MYBBP1A: variants seen among roughly 807,000 people sequenced by gnomAD.
The protein encoded by MYBBP1A is MYB binding protein 1a.
MYBBP1A carries 147 observed loss-of-function variants against 136.3 expected under a neutral mutation model. The ratio of observed to expected loss-of-function variants is 1.08; its 90% CI spans 0.94 to 1.24. MYBBP1A has a LOEUF of 1.24. MYBBP1A is among the 50% of genes most tolerant of loss of function. The pLI is 0.00. For synonymous variants in MYBBP1A, 947 were observed against 735.8 expected (o/e 1.29, Z -4.65); for missense variants, 2,060 against 1,727.4 (o/e 1.19, Z -3.41).
In MYBBP1A at chr17:4,545,252, G is replaced by A; in HGVS notation, c.2160+7C>T. 2 of 1,612,246 alleles carry A rather than the reference G, an allele frequency of 1.2e-6. No individual in the cohort carries two copies. Among genetic ancestry groups the A allele is most frequent in the Non-Finnish European group, 1.7e-6 (2 of 1,179,766 alleles). On this transcript the variant is annotated splice_region_variant and intron_variant, in intron 16 of 25. Transcript: ENST00000254718. The stretch of plus-strand genomic sequence containing the variant: ...CACCGCCCCCGCCCGGCCCATGCTG[G>A]CAACACCTCTGCACCCTTCAGCCGC...
At position 4,545,950 on chromosome 17, in the gene MYBBP1A, C is replaced by T; in HGVS notation, c.1825-8G>A. 6.2e-7 allele frequency: 1 copy of T among 1,611,572 alleles called. No individual in the cohort carries two copies. The highest frequency in any genetic ancestry group is 1.1e-5 in the South Asian group (1 of 90,790). Reference sequence around the variant, plus strand: ...ACAGCTCTCTGCAGGGGACTGCGGGCAGGGTAGGACACACACTGGGGCCAG... The same window carrying T: ...ACAGCTCTCTGCAGGGGACTGCGGGTAGGGTAGGACACACACTGGGGCCAG... On this transcript the variant is annotated splice_polypyrimidine_tract_variant and splice_region_variant and intron_variant, in intron 13 of 25. Coordinates refer to ENST00000254718, the MANE Select transcript of MYBBP1A (RefSeq NM_014520.4).
intron 19 of MYBBP1A, among the ~76,000 whole-genome samples, chr17:4,543,888 T>C (rs1108720): frequency 0.65 from 92,179 of 142,494 alleles, 30,486 homozygotes; most frequent in East Asian, 0.95. Flanking sequence ...CTCAGACCCT[T>C]CCCCACGCCA....
In MYBBP1A at chr17:4,552,298, GAGGGCA is replaced by G; in HGVS notation, c.738-12_738-7del. The G allele has an allele frequency of 1.2e-6, 2 of 1,613,846 alleles. No homozygotes were observed. Among genetic ancestry groups the G allele is most frequent in the Non-Finnish European group, 8.5e-7 (1 of 1,179,986 alleles). On this transcript the variant is annotated splice_region_variant and splice_polypyrimidine_tract_variant and intron_variant, in intron 6 of 25. Transcript: ENST00000254718. The surrounding 1 kb of genome is among the most constrained non-coding windows in gnomAD (Gnocchi z 4.7). ...TCTTCAGCACATTCACCAGCCTGCG[GAGGGCA>G]AGGGACTCAGGGAACACTTGCCTCA...
At chr17:4,540,639 G>C (rs1906328184) in intron 24 of MYBBP1A, among the ~76,000 whole-genome samples, 155 bp from the exon 25 acceptor site, 1 of 151,888 alleles carries the variant, frequency 6.6e-6, no homozygotes, top group South Asian at 2.1e-4. Context: ...AGTCATCCGT[G>C]TCTCTTACCG....
At position 4,540,476 on chromosome 17, in the gene MYBBP1A, G is replaced by A; in HGVS notation, c.3306C>T (p.Thr1102=). Residue 1102 remains threonine (T), a synonymous_variant, in exon 25 of 26, where the codon ACC becomes ACT. Transcript: ENST00000254718. The stretch of plus-strand genomic sequence containing the variant: ...CACCCAGGAGCACCGTCAGGTCCAA[G>A]GTCAGCTTCTGCAGAGGGTGGGAAG... ...LFRTCKHEKL[T]LDLTVLLGVL... The A allele has an allele frequency of 6.2e-7, 1 of 1,608,782 alleles. No homozygotes were observed. The highest frequency in any genetic ancestry group is 8.5e-7 in the Non-Finnish European group (1 of 1,178,746).
At chr17:4,540,271 AGC>A in intron 25 of MYBBP1A, 75 bp downstream of exon 25, 1 of 1,483,010 alleles carries the variant, frequency 6.7e-7, no homozygotes, top group South Asian at 1.3e-5. Context: ...GCGTGTGTGC[AGC>A]GTGTGTGTGT....
chr17:4,555,081 C>A (rs1213954934), intron 1 of MYBBP1A, 46 bp downstream of exon 1: 2 of 1,566,726 alleles, frequency 1.3e-6, no homozygotes, highest in South Asian at 1.1e-5. Flanking sequence ...CCGCCGCTTC[C>A]TTGCCGGGAT....
intron 25 of MYBBP1A, 139 bp downstream of exon 25, chr17:4,540,209 C>T (rs1906256890): frequency 2.3e-6 from 3 of 1,308,046 alleles, no homozygotes; most frequent in Non-Finnish European, 3.1e-6. Flanking sequence ...TGAGAATGCG[C>T]TTGAGTGCAT....
rs982293061 is a variant in MYBBP1A at position 4,551,828 on chromosome 17, A to G, written c.1023+52T>C. 8.7e-5 allele frequency: 133 copies of G among 1,530,694 alleles called. 1 individual carries two copies. In the Admixed American group the frequency reaches 2.2e-3, roughly 25 times the overall value. The allele number at this position is 1,530,694 out of a possible 1,614,324, so 94.8% of individuals were successfully genotyped here. A position where few individuals can be genotyped will look rare whatever the true frequency, so the allele number is the denominator to read the frequency against. ...CCCTGCTCCCCTTTTTGGCAGGGAG[A>G]GCTCCACGTCTAGCCTTTCTGGCAG... On this transcript the variant is annotated intron_variant, in intron 8 of 25. Transcript: ENST00000254718.
rs2144517002 is a variant in MYBBP1A at position 4,555,359 on chromosome 17, G to A, written c.-35C>T. ...ACTCACCGAAACACGAAACACGTGTGCTCCGGCCCCAGCCGCTTCCAGGTC... is the reference window on the plus strand; with the variant it reads ...ACTCACCGAAACACGAAACACGTGTACTCCGGCCCCAGCCGCTTCCAGGTC... On this transcript the variant is annotated 5_prime_UTR_variant, in exon 1 of 26. Transcript: ENST00000254718. 1 of 1,566,892 alleles carries A rather than the reference G, an allele frequency of 6.4e-7. No homozygotes were observed. Among genetic ancestry groups the A allele is most frequent in the Non-Finnish European group, 8.7e-7 (1 of 1,156,012 alleles).
At chr17:4,542,261 C>G in intron 22 of MYBBP1A, 2 of 625,644 alleles carry the variant, frequency 3.2e-6, no homozygotes, top group South Asian at 4.2e-5. Flanking sequence ...CCCCTCAGCT[C>G]CTGTGTGTTC....
In MYBBP1A at chr17:4,542,434, C is replaced by A. The variant is rs941432586; in HGVS notation, c.3087+30G>T. The A allele has an allele frequency of 3.8e-6, 6 of 1,588,944 alleles. No homozygotes were observed. The African/African-American group carries it at 6.7e-5, about 18-fold the overall frequency. ...GGTTAAGCGGGTTAATTCAGACAGG[C>A]CCTGGGCTGGGAGCTGGGAAGTCTC... On this transcript the variant is annotated intron_variant, in intron 22 of 25. Transcript: ENST00000254718.
intron 9 of MYBBP1A, 25 bp downstream of exon 9, chr17:4,550,033 G>C (rs768703581): frequency 2.7e-5 from 42 of 1,584,408 alleles, no homozygotes; most frequent in Admixed American, 5.3e-5. Context: ...CCTAAATTAG[G>C]TGTCCTCCCC....
At chr17:4,540,013 AGCCACC>A (rs765435805) in intron 25 of MYBBP1A, 46 bp from the exon 26 acceptor site, 247 of 1,567,688 alleles carry the variant, frequency 1.6e-4, no homozygotes, top group Non-Finnish European at 2.0e-4. Context: ...CGAGGGCAGC[AGCCACC>A]GCCACCGCGA....
Position 4,552,697 on chromosome 17 carries a change from T to C in MYBBP1A, c.562-71A>G, listed in dbSNP as rs984825501. On this transcript the variant is annotated intron_variant, in intron 5 of 25. Transcript: ENST00000254718. The surrounding 1 kb of genome is among the most constrained non-coding windows in gnomAD (Gnocchi z 4.7). ...GCCTGGTGGATCCTGTTCTACCTGC[T>C]CCTGACACGGGGCCACCTGGTGAGG... 16 of 1,450,250 alleles carry C rather than the reference T, an allele frequency of 1.1e-5. No individual in the cohort carries two copies. The highest frequency in any genetic ancestry group is 4.2e-5 in the African/African-American group (3 of 70,984). The allele number at this position is 1,450,250 out of a possible 1,614,324, so 89.8% of individuals were successfully genotyped here.
At chr17:4,540,637 G>A (rs190501453) in intron 24 of MYBBP1A, among the ~76,000 whole-genome samples, 153 bp from the exon 25 acceptor site, 421 of 152,038 alleles carry the variant, frequency 2.8e-3, no homozygotes, top group Non-Finnish European at 4.8e-3. Flanking sequence ...TAAGTCATCC[G>A]TGTCTCTTAC....
At chr17:4,551,783 C>G in intron 8 of MYBBP1A, 97 bp downstream of exon 8, 1 of 1,072,182 alleles carries the variant, frequency 9.3e-7, no homozygotes, top group Non-Finnish European at 1.4e-6. Flanking sequence ...ACCCATAGCT[C>G]TAGCCAAGCC....
chr17:4,542,490 TGATATGCTGGACCAGGATGGGGA>T lies in MYBBP1A; in HGVS notation c.3038_3060del (p.Leu1013HisfsTer28). 1 of 1,611,570 alleles carries T rather than the reference TGATATGCTGGACCAGGATGGGGA, an allele frequency of 6.2e-7. No homozygotes were observed. The highest frequency in any genetic ancestry group is 1.1e-5 in the South Asian group (1 of 90,894). On this transcript the variant is annotated frameshift_variant, in exon 22 of 26. Transcript: ENST00000254718. LOFTEE classifies it high-confidence loss of function. ...TGATGACGGGGCCGCACCGGGCCCG[TGATATGCTGGACCAGGATGGGGA>T]GCAGGCTCTGACAGAGCACCTGGTG... is the stretch of plus-strand genomic sequence containing the variant.
rs372864564 is a variant in MYBBP1A, at chr17:4,548,173, A to C, written c.1694T>G (p.Phe565Cys). The C allele has an allele frequency of 6.2e-6, 10 of 1,605,570 alleles. No individual in the cohort carries two copies. In the African/African-American group the frequency reaches 1.3e-4, roughly 21 times the overall value. ...CCAGGCCTGGCGCTGCTGCGCAGTGAAGGGTGTCACGGTGGTCACGTTGTG... is the reference window on the plus strand; with the variant it reads ...CCAGGCCTGGCGCTGCTGCGCAGTGCAGGGTGTCACGGTGGTCACGTTGTG... ...HSHNVTTVTP[F>C]TAQQRQAWDR... The change falls in exon 12 of 26, where the codon TTC becomes TGC. Residue 565 changes from phenylalanine (F) to cysteine (C), a missense_variant. By Grantham distance (205) the Phe-to-Cys change is radical (BLOSUM62 -2). Transcript: ENST00000254718. The surrounding 1 kb of genome is among the most constrained non-coding windows in gnomAD (Gnocchi z 4.2).
Sources: gnomAD v4.1 joint callset for allele counts (sites outside exome capture counted in the v4.1 genomes callset) on GRCh38, gnomAD v4.1.1 for gene constraint, Gnocchi (gnomAD v3.1) non-coding constraint, MANE v1.5 for transcripts, NCBI Gene and HGNC (gene_info 2026-07-23, HGNC 2026-07-21) for gene names.